The following TBCK variants were observed in gnomAD, a reference collection of about 807,000 sequenced individuals.
TBCK encodes TBC1 domain containing kinase.
A neutral mutation model predicts 113.4 loss-of-function variants in TBCK; 99 were observed. The observed-to-expected ratio is 0.87, with a 90% confidence interval of 0.74 to 1.03. The LOEUF is 1.03. Among genes scored for constraint, TBCK ranks in the 50% least tolerant of loss-of-function variants. The pLI, the probability that TBCK is intolerant of heterozygous loss-of-function variation, is 0.00. For synonymous variants in TBCK, 369 were observed against 370.8 expected (o/e 1.00, Z 0.05); for missense variants, 1,045 against 1,061.3 (o/e 0.98, Z 0.21).
intron 25 of TBCK, among the ~76,000 whole-genome samples, chr4:106,071,870 T>G (rs1737502868): frequency 6.6e-6 from 1 of 152,222 alleles, no homozygotes; most frequent in Non-Finnish European, 1.5e-5. Context: ...ATTGTCTCTT[T>G]TGATCTTTGT....
chr4:106,057,260 A>G (rs1735543196), intron 25 of TBCK, among the ~76,000 whole-genome samples: 2 of 151,744 alleles, frequency 1.3e-5, no homozygotes, highest in Non-Finnish European at 2.9e-5. Flanking sequence ...AGAATCTAGC[A>G]TTGAGATAGA....
chr4:106,315,336 G>A (rs1768686363), intron 1 of TBCK, among the ~76,000 whole-genome samples: 2 of 152,096 alleles, frequency 1.3e-5, no homozygotes. Flanking sequence ...CTCGAATGGG[G>A]AAAGAAAGTA....
chr4:106,210,524 C>T (rs1281349826), intron 20 of TBCK, among the ~76,000 whole-genome samples: 1 of 152,116 alleles, frequency 6.6e-6, no homozygotes, highest in East Asian at 1.9e-4. Flanking sequence ...GGTTCCCTGA[C>T]TTAATGTCTA....
chr4:106,254,271 A>G (rs1423454950), intron 5 of TBCK, among the ~76,000 whole-genome samples: 1 of 152,248 alleles, frequency 6.6e-6, no homozygotes, highest in Non-Finnish European at 1.5e-5. Context: ...CAAGCACAGT[A>G]AACTAGCCTC....
In TBCK at chr4:106,302,428, C is replaced by T. The variant is rs572830246; in HGVS notation, c.193+6340G>A. On this transcript the variant is annotated intron_variant, in intron 2 of 25. Coordinates refer to ENST00000394708, the MANE Select transcript of TBCK (RefSeq NM_001163435.3). The stretch of plus-strand genomic sequence containing the variant: ...AGGAAGAATACTCCCCAAAGAGAAT[C>T]ATGCTATAACGCAGTTCCTAATTCG... 9.2e-5 allele frequency among the ~76,000 whole-genome samples: 14 copies of T among 152,284 alleles called. No homozygotes were observed. The South Asian group carries it at 2.7e-3, about 29-fold the overall frequency.
chr4:106,123,276 C>G (rs1744692257), intron 23 of TBCK, among the ~76,000 whole-genome samples: 1 of 152,140 alleles, frequency 6.6e-6, no homozygotes. Context: ...TTCACAATTG[C>G]TTCAAAGAGA....
At chr4:106,214,653 A>G (rs1756633497) in intron 19 of TBCK, among the ~76,000 whole-genome samples, 1 of 152,124 alleles carries the variant, frequency 6.6e-6, no homozygotes, top group African/African-American at 2.4e-5. Flanking sequence ...AGTGAGAAGG[A>G]AAGTTTAGAG....
Position 106,093,862 on chromosome 4 carries a change from A to C in TBCK, c.2571+1620T>G, listed in dbSNP as rs184301314. 5.9e-4 allele frequency among the ~76,000 whole-genome samples: 90 copies of C among 152,324 alleles called. 3 individuals are homozygous for C. The highest frequency in any genetic ancestry group is 1.7e-3 in the Admixed American group (26 of 15,304). Reference sequence around the variant, plus strand: ...TAAAAATTTATTACAAATTAAAAATAATATACAACACCAAGAGTGAGCCCT... The same window carrying C: ...TAAAAATTTATTACAAATTAAAAATCATATACAACACCAAGAGTGAGCCCT... On this transcript the variant is annotated intron_variant, in intron 25 of 25. Coordinates refer to ENST00000394708, the MANE Select transcript of TBCK (RefSeq NM_001163435.3).
At chr4:106,087,884 C>A (rs1047526525) in intron 25 of TBCK, among the ~76,000 whole-genome samples, 11 of 152,206 alleles carry the variant, frequency 7.2e-5, no homozygotes, top group Non-Finnish European at 1.3e-4. Context: ...GCTGGGAAGA[C>A]TGGCTAGCCA....
At chr4:106,267,716 G>A (rs538053078) in intron 3 of TBCK, among the ~76,000 whole-genome samples, 91 of 151,960 alleles carry the variant, frequency 6.0e-4, no homozygotes, top group African/African-American at 1.9e-3. Context: ...GGTTGTATTT[G>A]GATTTTCAAC....
intron 12 of TBCK, among the ~76,000 whole-genome samples, chr4:106,239,387 C>T (rs543287458): frequency 3.9e-5 from 6 of 152,130 alleles, no homozygotes; most frequent in African/African-American, 1.4e-4. Context: ...ATTAATAGGG[C>T]TTCTACATAA....
chr4:106,267,513 T>C (rs1763098751), intron 3 of TBCK, among the ~76,000 whole-genome samples: 1 of 151,928 alleles, frequency 6.6e-6, no homozygotes, highest in Non-Finnish European at 1.5e-5. Flanking sequence ...ATAAGAATTA[T>C]TCATCATTTT....
Position 106,273,494 on chromosome 4 carries a change from C to T in TBCK, c.267-11282G>A, listed in dbSNP as rs1440013408. ...GTTAGCTTGTCTGAAAGGAGGCCCC[C>T]AAAAAGATTTGTGCACATCCTCACC... On this transcript the variant is annotated intron_variant, in intron 3 of 25. Coordinates refer to ENST00000394708, the MANE Select transcript of TBCK (RefSeq NM_001163435.3). Among the ~76,000 whole-genome samples, 3 of 152,150 alleles carry T rather than the reference C, an allele frequency of 2.0e-5. No individual in the cohort carries two copies. In the East Asian group the frequency reaches 5.8e-4, roughly 29 times the overall value.
intron 19 of TBCK, among the ~76,000 whole-genome samples, chr4:106,226,440 T>G (rs1372816625): frequency 6.6e-6 from 1 of 152,204 alleles, no homozygotes; most frequent in Non-Finnish European, 1.5e-5. Flanking sequence ...TCAGCTCATG[T>G]TATAAGTCCT....
At chr4:106,219,232 A>C (rs28397232) in intron 19 of TBCK, among the ~76,000 whole-genome samples, 1 of 86,912 alleles carries the variant, frequency 1.2e-5, no homozygotes, top group African/African-American at 4.8e-5. Flanking sequence ...GGGTGGGGGG[A>C]GGGGGGAGGG....
At position 106,292,772 on chromosome 4, in the gene TBCK, C is replaced by A. The variant is rs1279132242; in HGVS notation, c.266+2322G>T. ...AATAGTCACCACTGGCAGCACATTT[C>A]AGTGACACAGAATAGGTCACAAAGC... is the stretch of plus-strand genomic sequence containing the variant. On this transcript the variant is annotated intron_variant, in intron 3 of 25. Transcript: ENST00000394708. Among the ~76,000 whole-genome samples, 3 of 152,298 alleles carry A rather than the reference C, an allele frequency of 2.0e-5. No homozygotes were observed. The East Asian group carries it at 5.8e-4, about 29-fold the overall frequency.
At chr4:106,120,371 C>T (rs1034978675) in intron 23 of TBCK, among the ~76,000 whole-genome samples, 21 of 152,154 alleles carry the variant, frequency 1.4e-4, no homozygotes, top group South Asian at 4.2e-4. Context: ...AACTGCAAGG[C>T]GGCAGCGAGG....
chr4:106,305,142 T>C (rs576426836), intron 2 of TBCK, among the ~76,000 whole-genome samples: 1 of 151,964 alleles, frequency 6.6e-6, no homozygotes, highest in Admixed American at 6.6e-5. Flanking sequence ...GTAGAGAAAG[T>C]TTTTTTTCCT....
chr4:106,072,604 G>C, intron 25 of TBCK, among the ~76,000 whole-genome samples: 1 of 151,972 alleles, frequency 6.6e-6, no homozygotes, highest in South Asian at 2.1e-4. Flanking sequence ...GAGTATGTTT[G>C]TAGTGTTCTC....
Sources: gnomAD v4.1 joint callset for allele counts (sites outside exome capture counted in the v4.1 genomes callset) on GRCh38, gnomAD v4.1.1 for gene constraint, MANE v1.5 for transcripts, NCBI Gene and HGNC (gene_info 2026-07-23, HGNC 2026-07-21) for gene names.